Variants in ANKFY1 observed in about 807,000 individuals in gnomAD.
ANKFY1 encodes the protein ankyrin repeat and FYVE domain containing 1.
In ANKFY1, 47 loss-of-function variants were observed where a neutral mutation model predicts 128.3. The observed-to-expected ratio is 0.37, with a 90% CI of 0.29 to 0.47. The LOEUF (loss-of-function observed/expected upper bound fraction) is 0.47, where lower values mean the gene tolerates loss of function less well. Among genes scored for constraint, ANKFY1 ranks in the 20% least tolerant of loss-of-function variants. The pLI, the probability that ANKFY1 is intolerant of heterozygous loss-of-function variation, is 1.00. For missense variants in ANKFY1, 1,222 were observed against 1,510.6 expected (o/e 0.81, Z 3.17); for synonymous variants, 553 against 601.6 (o/e 0.92, Z 1.18).
chr17:4,211,771 G>A (rs1178714222), intron 4 of ANKFY1, among the ~76,000 whole-genome samples: 1 of 152,050 alleles, frequency 6.6e-6, no homozygotes, highest in African/African-American at 2.4e-5. Context: ...TCAGGAGGCT[G>A]AAGTAAGAGC....
intron 2 of ANKFY1, among the ~76,000 whole-genome samples, chr17:4,239,118 T>C (rs1967069466): frequency 6.6e-6 from 1 of 152,158 alleles, no homozygotes; most frequent in South Asian, 2.1e-4. Flanking sequence ...ATACCATAAC[T>C]AGCTAAAAGG....
chr17:4,252,065 GATTAT>G (rs1321370559), intron 1 of ANKFY1, among the ~76,000 whole-genome samples: 1 of 147,888 alleles, frequency 6.8e-6, no homozygotes, highest in Non-Finnish European at 1.5e-5. Flanking sequence ...CTTGTATACA[GATTAT>G]ATTAAGAACT....
chr17:4,212,335 A>G (rs551337109), intron 4 of ANKFY1, among the ~76,000 whole-genome samples: 16 of 152,236 alleles, frequency 1.1e-4, no homozygotes, highest in Non-Finnish European at 1.8e-4. Context: ...GTGGAGACCC[A>G]TTACATTTTA....
rs1357651130 is a variant in ANKFY1, at chr17:4,181,743, A to C, written c.2122-371T>G. 6.6e-6 allele frequency among the ~76,000 whole-genome samples: 1 copy of C among 152,178 alleles called. No individual in the cohort carries two copies. The highest frequency in any genetic ancestry group is 1.5e-5 in the Non-Finnish European group (1 of 68,026). On this transcript the variant is annotated intron_variant, in intron 15 of 24. Transcript: ENST00000341657. The surrounding 1 kb of genome is among the most constrained non-coding windows in gnomAD (Gnocchi z 4.9). ...ACAGGTAATCTCAACAACTAGGTAAAACCTCCAGGTGCACAACGCCTTCAT... is the reference window on the plus strand; with the variant it reads ...ACAGGTAATCTCAACAACTAGGTAACACCTCCAGGTGCACAACGCCTTCAT...
chr17:4,202,291 C>A (rs919957327), intron 7 of ANKFY1, among the ~76,000 whole-genome samples: 2 of 151,784 alleles, frequency 1.3e-5, no homozygotes, highest in Non-Finnish European at 2.9e-5. Context: ...ATCCCAGCTA[C>A]TAGGGAGGCT....
rs551787061 is a variant in ANKFY1 at position 4,207,066 on chromosome 17, T to C, written c.733-580A>G. Reference sequence around the variant, plus strand: ...CACTTTGAGGATGTGATTAAGGACCTTGTGATGGGGACAGTATCCCAGATT... The same window carrying C: ...CACTTTGAGGATGTGATTAAGGACCCTGTGATGGGGACAGTATCCCAGATT... On this transcript the variant is annotated intron_variant, in intron 6 of 24. Transcript: ENST00000341657. 9.2e-5 allele frequency among the ~76,000 whole-genome samples: 14 copies of C among 152,234 alleles called. No individual in the cohort carries two copies. In the East Asian group the frequency reaches 1.4e-3, roughly 15 times the overall value.
chr17:4,176,231 A>T (rs1325734801), intron 19 of ANKFY1, among the ~76,000 whole-genome samples: 1 of 152,086 alleles, frequency 6.6e-6, no homozygotes. Flanking sequence ...GCTCAAACAC[A>T]ATCAGGTCAC....
Position 4,242,587 on chromosome 17 carries a change from T to C in ANKFY1, c.11-139A>G. ...TTCCACTCTTTCTTAGTGATAGTCC[T>C]ACAGGATCAAGAATGGCTTTGACGG... On this transcript the variant is annotated intron_variant, in intron 1 of 24. Transcript: ENST00000341657. 3 of 750,812 alleles carry C rather than the reference T, an allele frequency of 4.0e-6. No individual in the cohort carries two copies. The East Asian group carries it at 9.4e-5, about 23-fold the overall frequency. 46.5% of individuals were successfully genotyped at this position (750,812 alleles called of 1,614,324 possible). A position where few individuals can be genotyped will look rare whatever the true frequency, so the allele number is the denominator to read the frequency against.
chr17:4,179,291 A>T, intron 17 of ANKFY1: 1 of 581,306 alleles, frequency 1.7e-6, no homozygotes, highest in Non-Finnish European at 3.1e-6. Flanking sequence ...CATGTGTTTC[A>T]CATCTGCAGT....
At chr17:4,170,670 C>G (rs746934373) in intron 23 of ANKFY1, 45 bp downstream of exon 23, 2 of 1,572,976 alleles carry the variant, frequency 1.3e-6, no homozygotes, top group African/African-American at 2.7e-5. Context: ...GATCCCAACA[C>G]TACGACTGTG....
At chr17:4,199,092 C>T (rs7216330) in intron 7 of ANKFY1, among the ~76,000 whole-genome samples, 81,035 of 152,104 alleles carry the variant, frequency 0.53, 22,741 homozygotes, top group East Asian at 0.75. Context: ...CCCCAGAGTT[C>T]GAGACTGCAG....
intron 1 of ANKFY1, among the ~76,000 whole-genome samples, chr17:4,245,670 G>A (rs983245981): frequency 2.0e-5 from 3 of 151,002 alleles, no homozygotes; most frequent in Admixed American, 6.6e-5. Flanking sequence ...TTGAGCCTAG[G>A]AGGTTCAGGC....
rs2059199854 is a variant in ANKFY1, at chr17:4,165,687, T to G, written c.*2092A>C. The G allele has an allele frequency of 6.6e-6, 1 of 152,222 alleles. No homozygotes were observed. The highest frequency in any genetic ancestry group is 6.5e-5 in the Admixed American group (1 of 15,282). 9.4% of individuals were successfully genotyped at this position (152,222 alleles called of 1,614,324 possible). A position where few individuals can be genotyped will look rare whatever the true frequency, so the allele number is the denominator to read the frequency against. Reference sequence around the variant, plus strand: ...CCATTGCTATCCCTGGACTCAGGCTTAGAAGCAAGTTTGAATCAACATATT... The same window carrying G: ...CCATTGCTATCCCTGGACTCAGGCTGAGAAGCAAGTTTGAATCAACATATT... On this transcript the variant is annotated 3_prime_UTR_variant, in exon 25 of 25. Coordinates refer to ENST00000341657, the MANE Select transcript of ANKFY1 (RefSeq NM_001330063.2).
chr17:4,218,963 T>C (rs978692158), intron 3 of ANKFY1, among the ~76,000 whole-genome samples: 4 of 152,116 alleles, frequency 2.6e-5, no homozygotes, highest in Admixed American at 2.6e-4. Context: ...ATATAATACC[T>C]ACACACACTA....
At chr17:4,241,318 C>T (rs1967208920) in intron 2 of ANKFY1, among the ~76,000 whole-genome samples, 1 of 144,822 alleles carries the variant, frequency 6.9e-6, no homozygotes, top group South Asian at 2.2e-4. Context: ...CTCGCTCTGT[C>T]GCCCAGGCTG....
intron 6 of ANKFY1, among the ~76,000 whole-genome samples, chr17:4,207,592 T>A (rs1240167420): frequency 6.6e-6 from 1 of 152,176 alleles, no homozygotes; most frequent in Non-Finnish European, 1.5e-5. Context: ...GGCAATACAT[T>A]TGTGTTGTTT....
chr17:4,224,805 G>T (rs1250253083), intron 3 of ANKFY1, among the ~76,000 whole-genome samples: 1 of 151,822 alleles, frequency 6.6e-6, no homozygotes, highest in African/African-American at 2.4e-5. Context: ...AGTAAATAAT[G>T]GTGATTTTAT....
At chr17:4,233,104 C>T (rs533139203) in intron 3 of ANKFY1, among the ~76,000 whole-genome samples, 5 of 152,244 alleles carry the variant, frequency 3.3e-5, no homozygotes, top group Admixed American at 2.0e-4. Flanking sequence ...TACAAGAATA[C>T]CACCTTCATG....
In ANKFY1 at chr17:4,178,953, G is replaced by A. The variant is rs776600521; in HGVS notation, c.2502C>T (p.Asp834=). The A allele has an allele frequency of 6.2e-7, 1 of 1,614,198 alleles. No individual in the cohort carries two copies. Among genetic ancestry groups the A allele is most frequent in the East Asian group, 2.2e-5 (1 of 44,886 alleles). Residue 834 remains aspartate, a synonymous_variant, in exon 18 of 25, where the codon GAC becomes GAT. Transcript: ENST00000341657. This position sits in a 1 kb window ranked among gnomAD's most constrained non-coding sequence, Gnocchi z 4.1. The part of the protein sequence containing the change: ...SHPDIHLNVR[D]RQGLTPFACA... Reference sequence around the variant, plus strand: ...AGGCAAACGGGGTCAGCCCTTGTCTGTCTCGTACATTCAAATGGATATCGG... The same window carrying A: ...AGGCAAACGGGGTCAGCCCTTGTCTATCTCGTACATTCAAATGGATATCGG...
Sources: allele counts gnomAD v4.1 joint callset (sites outside exome capture counted in the v4.1 genomes callset), GRCh38; gene constraint gnomAD v4.1.1; non-coding constraint Gnocchi (gnomAD v3.1); transcripts MANE v1.5; gene names NCBI Gene and HGNC (gene_info 2026-07-23, HGNC 2026-07-21).